The following ADORA2B variants were observed in gnomAD, a reference collection of about 807,000 sequenced individuals.
ADORA2B encodes adenosine receptor A2b.
Under a neutral mutation model 20.8 loss-of-function variants are expected in ADORA2B, and 18 were observed. That is an observed-to-expected ratio of 0.87 (90% CI 0.60 to 1.29). The LOEUF (loss-of-function observed/expected upper bound fraction) is 1.29, where lower values mean the gene tolerates loss of function less well. ADORA2B is among the 50% of genes most tolerant of loss of function. ADORA2B has a pLI of 0.00. For synonymous variants in ADORA2B, 179 were observed against 178.3 expected, an observed-to-expected ratio of 1.00 and a Z score of -0.03; for missense variants, 441 against 422.7, an observed-to-expected ratio of 1.04 and a Z score of -0.38.
the ADORA2B span, among the ~76,000 whole-genome samples, chr17:15,874,257 G>A: frequency 2.0e-5 from 3 of 151,860 alleles, no homozygotes; most frequent in Non-Finnish European, 2.9e-5. Flanking sequence ...ACTCATGAGT[G>A]GGAGCTAAGC....
At chr17:15,937,782 AG>A in the ADORA2B span, among the ~76,000 whole-genome samples, 4 of 152,126 alleles carry the variant, frequency 2.6e-5, no homozygotes, top group African/African-American at 9.7e-5. Flanking sequence ...CATGTTGGTC[AG>A]GCTGGTCTCG....
At chr17:15,966,686 G>A (rs929331227) in intron 1 of ADORA2B, among the ~76,000 whole-genome samples, 2 of 152,222 alleles carry the variant, frequency 1.3e-5, no homozygotes, top group Non-Finnish European at 2.9e-5. Context: ...ATGGATCAGA[G>A]CACAGCTCCG....
At chr17:15,957,606 G>T (rs1969984327) in intron 1 of ADORA2B, among the ~76,000 whole-genome samples, 1 of 152,148 alleles carries the variant, frequency 6.6e-6, no homozygotes, top group African/African-American at 2.4e-5. Flanking sequence ...TGTTGCCTAG[G>T]TTGTGTTTAA....
intron 1 of ADORA2B, among the ~76,000 whole-genome samples, chr17:15,965,090 A>T (rs971885538): frequency 1.3e-5 from 2 of 152,206 alleles, no homozygotes; most frequent in Admixed American, 1.3e-4. Context: ...TCATAGTTTG[A>T]TCCCATGGGA....
At chr17:15,961,377 A>T (rs1418895078) in intron 1 of ADORA2B, among the ~76,000 whole-genome samples, 5 of 152,060 alleles carry the variant, frequency 3.3e-5, no homozygotes, top group African/African-American at 1.2e-4. Context: ...TTCAGGTTAA[A>T]CCTTTTTGGT....
chr17:15,875,824 AC>A, the ADORA2B span, among the ~76,000 whole-genome samples: 2 of 150,678 alleles, frequency 1.3e-5, no homozygotes, highest in African/African-American at 4.9e-5. Context: ...CAGGTAATCC[AC>A]CCGCCTCGGC....
the ADORA2B span, among the ~76,000 whole-genome samples, chr17:15,933,989 T>C: frequency 6.6e-6 from 1 of 152,084 alleles, no homozygotes; most frequent in Non-Finnish European, 1.5e-5. Flanking sequence ...TAGCTTTGAG[T>C]TTTTCATAGA....
chr17:15,974,581 GT>G, intron 1 of ADORA2B, 97 bp from the exon 2 acceptor site: 7 of 1,084,774 alleles, frequency 6.5e-6, no homozygotes, highest in Non-Finnish European at 8.1e-6. Flanking sequence ...AACTTTAGAG[GT>G]TGTTAAAGGG....
the ADORA2B span, among the ~76,000 whole-genome samples, chr17:15,875,815 A>G: frequency 4.6e-5 from 7 of 152,340 alleles, no homozygotes; most frequent in East Asian, 1.3e-3. Context: ...TTCTGACGTC[A>G]GGTAATCCAC....
At chr17:15,861,215 C>T in the ADORA2B span, among the ~76,000 whole-genome samples, 1 of 152,154 alleles carries the variant, frequency 6.6e-6, no homozygotes, top group African/African-American at 2.4e-5. Context: ...TGTAAAAAGA[C>T]AATACTAAAT....
chr17:15,897,811 C>G, the ADORA2B span, among the ~76,000 whole-genome samples: 49,974 of 152,014 alleles, frequency 0.33, 8,913 homozygotes, highest in African/African-American at 0.47. Context: ...AGTGAAAGTA[C>G]TTCTCTTTCA....
At chr17:15,933,047 C>T in the ADORA2B span, among the ~76,000 whole-genome samples, 1 of 151,212 alleles carries the variant, frequency 6.6e-6, no homozygotes, top group African/African-American at 2.4e-5. Context: ...GCTCTGCCTC[C>T]CGGGTTCACA....
the ADORA2B span, among the ~76,000 whole-genome samples, chr17:15,872,238 A>G: frequency 2.0e-5 from 3 of 152,158 alleles, no homozygotes; most frequent in Non-Finnish European, 4.4e-5. Context: ...AAGCCACTGA[A>G]CTATACACTT....
chr17:15,951,248 A>G (rs1248800598), intron 1 of ADORA2B, among the ~76,000 whole-genome samples: 1 of 152,226 alleles, frequency 6.6e-6, no homozygotes, highest in East Asian at 1.9e-4. Flanking sequence ...CTAAGGGACA[A>G]AAGGGTGGAG....
chr17:15,884,090 C>G, the ADORA2B span, among the ~76,000 whole-genome samples: 2 of 152,218 alleles, frequency 1.3e-5, no homozygotes, highest in East Asian at 3.8e-4. Context: ...GGACTGAACT[C>G]CTGCTGTTGG....
At chr17:15,973,045 A>G (rs1345279088) in intron 1 of ADORA2B, among the ~76,000 whole-genome samples, 5 of 152,204 alleles carry the variant, frequency 3.3e-5, no homozygotes, top group African/African-American at 1.2e-4. Context: ...CCCAATTTTT[A>G]TCAACTCTGC....
At chr17:15,909,590 C>CT in the ADORA2B span, among the ~76,000 whole-genome samples, 1 of 152,136 alleles carries the variant, frequency 6.6e-6, no homozygotes, top group Non-Finnish European at 1.5e-5. Flanking sequence ...ACCTCCGGTT[C>CT]TTTAACACTC....
At chr17:15,878,184 T>TAC in the ADORA2B span, among the ~76,000 whole-genome samples, 74,477 of 143,260 alleles carry the variant, frequency 0.52, 20,273 homozygotes, top group South Asian at 0.67. Context: ...TGTGTGTGTA[T>TAC]ACACACACAC....
At chr17:15,874,042 G>GTGTATA in the ADORA2B span, among the ~76,000 whole-genome samples, 14 of 134,818 alleles carry the variant, frequency 1.0e-4, no homozygotes, top group African/African-American at 4.2e-4. Flanking sequence ...ATATATATGT[G>GTGTATA]TATATATATA....
Sources: gnomAD v4.1 joint callset for allele counts (sites outside exome capture counted in the v4.1 genomes callset) on GRCh38, gnomAD v4.1.1 for gene constraint, MANE v1.5 for transcripts, NCBI Gene and HGNC (gene_info 2026-07-23, HGNC 2026-07-21) for gene names.